Variants in ETNK1 observed in about 807,000 individuals in gnomAD.
The protein encoded by ETNK1 is putative protein product of Nbla10396.
A neutral mutation model predicts 45.1 loss-of-function variants in ETNK1; 8 were observed. That is an observed-to-expected ratio of 0.18 (90% CI 0.10 to 0.32). The LOEUF is 0.32. Among genes scored for constraint, ETNK1 ranks in the 10% least tolerant of loss-of-function variants. The probability of loss-of-function intolerance (pLI) is 1.00; values close to 1 mark genes in which losing one functional copy is unlikely to be tolerated. For synonymous variants in ETNK1, 152 were observed against 151.9 expected, an observed-to-expected ratio of 1.00 and a Z score of -0.01; for missense variants, 302 against 430.6, an observed-to-expected ratio of 0.70 and a Z score of 2.64.
intron 1 of ETNK1, chr12:22,638,704 A>G (rs931101167): frequency 6.6e-6 from 1 of 152,196 alleles, no homozygotes; most frequent in African/African-American, 2.4e-5. Context: ...TAGAAGCTCT[A>G]GAGTTCCTCA....
intron 6 of ETNK1, 44 bp from the exon 7 acceptor site, chr12:22,684,439 A>G: frequency 1.5e-6 from 2 of 1,361,018 alleles, no homozygotes; most frequent in Non-Finnish European, 2.1e-6. Context: ...TTTTACAGAG[A>G]AATTCATTAT....
intron 1 of ETNK1, among the ~76,000 whole-genome samples, chr12:22,629,932 T>C (rs1251163329): frequency 6.6e-6 from 1 of 152,196 alleles, no homozygotes; most frequent in Admixed American, 6.5e-5. Flanking sequence ...ATATAATGTT[T>C]AATAGACGCC....
chr12:22,667,416 G>A (rs16925264), intron 4 of ETNK1, among the ~76,000 whole-genome samples: 7,098 of 152,152 alleles, frequency 0.047, 538 homozygotes, highest in African/African-American at 0.16. Context: ...ATAAAAGAGG[G>A]AAGGGACCCT....
intron 2 of ETNK1, among the ~76,000 whole-genome samples, chr12:22,655,882 G>A (rs937571704): frequency 6.6e-5 from 10 of 152,134 alleles, no homozygotes; most frequent in African/African-American, 2.4e-4. Flanking sequence ...CAGTGGCAAA[G>A]TCACAATGAA....
At chr12:22,680,567 AT>A in intron 6 of ETNK1, among the ~76,000 whole-genome samples, 1 of 152,164 alleles carries the variant, frequency 6.6e-6, no homozygotes, top group Non-Finnish European at 1.5e-5. Context: ...TCTACCTGGA[AT>A]GCCTTTTACC....
At chr12:22,625,871 CCCT>C in intron 1 of ETNK1, 1 of 662,682 alleles carries the variant, frequency 1.5e-6, no homozygotes, top group Non-Finnish European at 2.8e-6. Context: ...TGATAGTTGC[CCCT>C]CCTCCCACTC....
chr12:22,628,193 G>A (rs538238081), intron 1 of ETNK1, among the ~76,000 whole-genome samples: 110 of 152,092 alleles, frequency 7.2e-4, no homozygotes, highest in African/African-American at 2.5e-3. Context: ...AGATGTAGAC[G>A]GTACTGTTAA....
chr12:22,671,344 A>G lies in ETNK1; in HGVS notation c.773A>G (p.Asn258Ser), dbSNP rs924496125. The G allele has an allele frequency of 1.2e-5, 19 of 1,595,616 alleles. No individual in the cohort carries two copies. The highest frequency in any genetic ancestry group is 1.3e-5 in the African/African-American group (1 of 74,604). ...GCATATGATATTGGAAATCATTTCA[A>G]TGAATTTGCAGGTATAACTAATGGA... is the stretch of plus-strand genomic sequence containing the variant. The part of the protein sequence containing the change: ...YLAYDIGNHF[N>S]EFAGVSDVDY... Residue 258 changes from asparagine (N) to serine (S), a missense_variant, in exon 5 of 8, where the codon AAT (asparagine) becomes AGT (serine). By Grantham distance (46) the Asn-to-Ser change is conservative. Around this residue, in one of 3 missense-constraint regions of ETNK1, gnomAD observed 94 missense variants for 152.9 expected, o/e 0.61. Coordinates refer to ENST00000266517, the MANE Select transcript of ETNK1 (RefSeq NM_018638.5).
intron 6 of ETNK1, among the ~76,000 whole-genome samples, chr12:22,675,192 C>T (rs1954147962): frequency 6.6e-6 from 1 of 151,936 alleles, no homozygotes; most frequent in Non-Finnish European, 1.5e-5. Context: ...CTTGAGCCTT[C>T]TGAGTAGCAA....
intron 4 of ETNK1, among the ~76,000 whole-genome samples, chr12:22,670,697 T>C (rs1272980957): frequency 2.0e-5 from 3 of 152,140 alleles, no homozygotes; most frequent in Admixed American, 2.0e-4. Flanking sequence ...GAAACCTTGG[T>C]TAGGTAGTAT....
chr12:22,634,414 C>T (rs1953626410), intron 1 of ETNK1, among the ~76,000 whole-genome samples: 1 of 151,986 alleles, frequency 6.6e-6, no homozygotes, highest in South Asian at 2.1e-4. Context: ...CTTATAGTGT[C>T]CTTGACAAGT....
At chr12:22,677,564 G>T (rs1249846860) in intron 6 of ETNK1, among the ~76,000 whole-genome samples, 1 of 152,220 alleles carries the variant, frequency 6.6e-6, no homozygotes, top group East Asian at 1.9e-4. Flanking sequence ...ATGGAAGCTT[G>T]ATGGGAATAG....
At chr12:22,675,299 T>A (rs554858438) in intron 6 of ETNK1, among the ~76,000 whole-genome samples, 1 of 152,124 alleles carries the variant, frequency 6.6e-6, no homozygotes, top group South Asian at 2.1e-4. Context: ...CCTAAGTGAT[T>A]CTTCCCGGCT....
Position 22,685,062 on chromosome 12 carries a change from T to C in ETNK1, c.*108T>C. On this transcript the variant is annotated 3_prime_UTR_variant, in exon 8 of 8. Transcript: ENST00000266517. Reference sequence around the variant, plus strand: ...AAAATTCTGTTGTTTAATTTGGTTATCTTGCTTTATAAATTATGCCTCTAA... The same window carrying C: ...AAAATTCTGTTGTTTAATTTGGTTACCTTGCTTTATAAATTATGCCTCTAA... 1.3e-6 allele frequency: 1 copy of C among 742,396 alleles called. No individual in the cohort carries two copies. The highest frequency in any genetic ancestry group is 2.1e-5 in the South Asian group (1 of 48,596). The allele number at this position is 742,396 out of a possible 1,614,324, so 46.0% of individuals were successfully genotyped here.
chr12:22,644,205 T>A, intron 2 of ETNK1, 183 bp downstream of exon 2: 1 of 1,587,672 alleles, frequency 6.3e-7, no homozygotes, highest in South Asian at 1.2e-5. Flanking sequence ...TTCTTTATAT[T>A]TGCAGTTTAT....
At chr12:22,678,963 GTGTAA>G (rs879929611) in intron 6 of ETNK1, among the ~76,000 whole-genome samples, 6 of 152,366 alleles carry the variant, frequency 3.9e-5, no homozygotes, top group Non-Finnish European at 5.9e-5. Flanking sequence ...GTCTGAGAAA[GTGTAA>G]TGTAACATTC....
intron 4 of ETNK1, among the ~76,000 whole-genome samples, chr12:22,667,490 C>T (rs576723358): frequency 6.6e-6 from 1 of 152,140 alleles, no homozygotes; most frequent in Non-Finnish European, 1.5e-5. Flanking sequence ...CAGATACTTA[C>T]ATTTAGAATG....
At chr12:22,626,094 A>G (rs1476648846) in intron 1 of ETNK1, 1 of 343,364 alleles carries the variant, frequency 2.9e-6, no homozygotes, top group Non-Finnish European at 5.8e-6. Context: ...AGTAATGACC[A>G]CGACCATGCA....
intron 2 of ETNK1, among the ~76,000 whole-genome samples, chr12:22,651,266 A>G (rs2137544143): frequency 6.6e-6 from 1 of 152,332 alleles, no homozygotes; most frequent in South Asian, 2.1e-4. Flanking sequence ...ATGGTTCTCT[A>G]CTTGGCCAGT....
Sources: allele counts gnomAD v4.1 joint callset (sites outside exome capture counted in the v4.1 genomes callset), GRCh38; gene constraint gnomAD v4.1.1; regional missense constraint gnomAD v4.1.1; transcripts MANE v1.5; gene names NCBI Gene and HGNC (gene_info 2026-07-23, HGNC 2026-07-21).